MARCO: variants seen among roughly 807,000 people sequenced by gnomAD.
MARCO encodes the protein macrophage receptor with collagenous structure, also known as macrophage receptor MARCO.
In MARCO, 72 loss-of-function variants were observed where a neutral mutation model predicts 70.0. The observed-to-expected ratio is 1.03, with a 90% CI of 0.85 to 1.25. The LOEUF is 1.25. Ranked by LOEUF, MARCO falls within the 50% of genes most tolerant of loss-of-function variation. The pLI, the probability that MARCO is intolerant of heterozygous loss-of-function variation, is 0.00. For synonymous variants in MARCO, 273 were observed against 243.1 expected, an observed-to-expected ratio of 1.12 and a Z score of -1.14; for missense variants, 696 against 659.3, an observed-to-expected ratio of 1.06 and a Z score of -0.61.
chr2:118,965,290 T>C (rs1274038350), intron 1 of MARCO, among the ~76,000 whole-genome samples: 6 of 152,230 alleles, frequency 3.9e-5, no homozygotes, highest in Non-Finnish European at 2.9e-5. Context: ...TCTATTGTTC[T>C]ATCATCGAGT....
chr2:118,970,351 C>T lies in MARCO; in HGVS notation c.424+13C>T. Reference sequence around the variant, plus strand: ...ACTCAGAACCCAGGTTTGGCCTCCTCCCCTCTGGGTCAGGACTTCTCAACA... The same window carrying T: ...ACTCAGAACCCAGGTTTGGCCTCCTTCCCTCTGGGTCAGGACTTCTCAACA... On this transcript the variant is annotated intron_variant, in intron 3 of 16. Coordinates refer to ENST00000327097, the MANE Select transcript of MARCO (RefSeq NM_006770.4). 6.3e-7 allele frequency: 1 copy of T among 1,595,098 alleles called. No homozygotes were observed. The highest frequency in any genetic ancestry group is 8.6e-7 in the Non-Finnish European group (1 of 1,167,518).
chr2:118,984,749 C>G (rs1680453781), intron 12 of MARCO, among the ~76,000 whole-genome samples: 1 of 152,134 alleles, frequency 6.6e-6, no homozygotes, highest in Non-Finnish European at 1.5e-5. Flanking sequence ...CAGGGGCAGG[C>G]AGAGGGTGGG....
chr2:118,976,536 C>T (rs960661826), intron 6 of MARCO, among the ~76,000 whole-genome samples: 2 of 152,096 alleles, frequency 1.3e-5, no homozygotes, highest in African/African-American at 4.8e-5. Context: ...GCCCCTGCCC[C>T]TGCCCCAGGA....
In MARCO at chr2:118,993,219, G is replaced by T. The variant is rs770063533; in HGVS notation, c.1348G>T (p.Glu450Ter). The T allele has an allele frequency of 6.2e-7, 1 of 1,614,112 alleles. No homozygotes were observed. Among genetic ancestry groups the T allele is most frequent in the Non-Finnish European group, 8.5e-7 (1 of 1,180,006 alleles). ...TACCTGGGGGACAATTTGCGATGAC[G>T]AGTGGCAAAATTCTGATGCCATTGT... is the stretch of plus-strand genomic sequence containing the variant. ...SGTWGTICDDEWQNSDAIVFC... is the reference protein window; with the variant it reads ...SGTWGTICDD Residue 450 changes from glutamate to a stop codon, truncating the protein, a stop_gained, in exon 16 of 17, where the codon GAG (glutamate) becomes TAG (stop). Coordinates refer to ENST00000327097, the MANE Select transcript of MARCO (RefSeq NM_006770.4). LOFTEE classifies it high-confidence loss of function.
chr2:118,986,652 A>AGAAGGAAGGAAGGAAGGAAGGAAG (rs199975278), intron 12 of MARCO, among the ~76,000 whole-genome samples: 1 of 48,442 alleles, frequency 2.1e-5, no homozygotes, highest in Admixed American at 2.5e-4. Context: ...AAAGAAAGAA[A>AGAAGGAAGGAAGGAAGGAAGGAAG]GAAGGAAGGA....
chr2:118,977,613 C>T, intron 7 of MARCO, 98 bp downstream of exon 7: 2 of 1,057,956 alleles, frequency 1.9e-6, no homozygotes, highest in South Asian at 1.4e-5. Context: ...AGCCCCACCC[C>T]AGCCCCTGAC....
At chr2:118,990,490 C>T in intron 12 of MARCO, 99 bp from the exon 13 acceptor site, 2 of 1,154,698 alleles carry the variant, frequency 1.7e-6, no homozygotes, top group Admixed American at 1.8e-5. Flanking sequence ...TTTCCATCTG[C>T]ATTAATCAGA....
chr2:118,955,457 T>C (rs1390054333), intron 1 of MARCO, among the ~76,000 whole-genome samples: 1 of 152,058 alleles, frequency 6.6e-6, no homozygotes, highest in East Asian at 1.9e-4. Flanking sequence ...GGAATTATGG[T>C]AAACAACCAC....
rs1202758741 is a variant in MARCO at position 118,982,375 on chromosome 2, G to C, written c.1028G>C (p.Gly343Ala). Residue 343 changes from glycine to alanine, a missense_variant, in exon 12 of 17, where the codon GGA becomes GCA. This residue lies in a region of MARCO where 605 missense variants were observed against 537.6 expected (regional missense o/e 1.13). Transcript: ENST00000327097. The part of the protein sequence containing the change: ...AGLPGSPGSP[G>A]ATGLKGSKGD... ...CTTCCAGGGAGCCCCGGGAGTCCAGGAGCCACAGGCCTGAAAGGAAGCAAA... is the reference window on the plus strand; with the variant it reads ...CTTCCAGGGAGCCCCGGGAGTCCAGCAGCCACAGGCCTGAAAGGAAGCAAA... The C allele has an allele frequency of 6.2e-7, 1 of 1,614,054 alleles. No individual in the cohort carries two copies. The highest frequency in any genetic ancestry group is 1.7e-5 in the Admixed American group (1 of 60,016).
At chr2:118,961,247 T>C (rs760707644) in intron 1 of MARCO, among the ~76,000 whole-genome samples, 1 of 152,220 alleles carries the variant, frequency 6.6e-6, no homozygotes, top group Non-Finnish European at 1.5e-5. Flanking sequence ...ATAGGATTGC[T>C]GGGTCAAATG....
chr2:118,975,126 C>A (rs913119511), intron 6 of MARCO, among the ~76,000 whole-genome samples: 2 of 152,040 alleles, frequency 1.3e-5, no homozygotes, highest in Admixed American at 6.5e-5. Context: ...CTAATTCTGC[C>A]CAGCCATCTT....
At chr2:118,969,553 A>G (rs907700612) in intron 2 of MARCO, among the ~76,000 whole-genome samples, 1 of 152,218 alleles carries the variant, frequency 6.6e-6, no homozygotes, top group East Asian at 1.9e-4. Flanking sequence ...GATGACACAC[A>G]CTTCTGACAT....
At chr2:118,961,673 G>T (rs1679949889) in intron 1 of MARCO, among the ~76,000 whole-genome samples, 1 of 152,086 alleles carries the variant, frequency 6.6e-6, no homozygotes, top group African/African-American at 2.4e-5. Context: ...TAGGTTGCCT[G>T]TTCACTCTGA....
intron 12 of MARCO, among the ~76,000 whole-genome samples, chr2:118,983,340 T>C (rs1284333768): frequency 3.3e-5 from 5 of 152,316 alleles, no homozygotes; most frequent in African/African-American, 9.6e-5. Context: ...CACTGGGACC[T>C]GGCCCTCCAC....
chr2:118,974,319 T>A lies in MARCO; in HGVS notation c.461-14T>A. On this transcript the variant is annotated splice_polypyrimidine_tract_variant and intron_variant, in intron 4 of 16. Transcript: ENST00000327097. ...GTTGACTGACTCATTAGTGTCTCTGTTCCTCTTCCTCAGGTCTTCAAGGTC... is the reference window on the plus strand; with the variant it reads ...GTTGACTGACTCATTAGTGTCTCTGATCCTCTTCCTCAGGTCTTCAAGGTC... 1 of 1,534,366 alleles carries A rather than the reference T, an allele frequency of 6.5e-7. No homozygotes were observed. Among genetic ancestry groups the A allele is most frequent in the Non-Finnish European group, 8.9e-7 (1 of 1,118,992 alleles).
chr2:118,959,899 T>C (rs553189738), intron 1 of MARCO, among the ~76,000 whole-genome samples: 43 of 152,204 alleles, frequency 2.8e-4, no homozygotes, highest in Middle Eastern at 6.8e-3. Context: ...ATCACTGATA[T>C]GAGGGAGCTA....
At chr2:118,968,110 G>A (rs187731319) in intron 1 of MARCO, among the ~76,000 whole-genome samples, 10 of 152,318 alleles carry the variant, frequency 6.6e-5, no homozygotes, top group Admixed American at 5.2e-4. Flanking sequence ...GTTGGTAAAT[G>A]CCTGGTGTGG....
chr2:118,971,588 A>C, intron 4 of MARCO, 54 bp downstream of exon 4: 4 of 1,585,742 alleles, frequency 2.5e-6, no homozygotes, highest in Non-Finnish European at 1.7e-6. Context: ...ACCTCCCCAA[A>C]AGGGCCCCTT....
intron 1 of MARCO, among the ~76,000 whole-genome samples, chr2:118,944,612 A>T (rs2104540812): frequency 1.3e-5 from 2 of 152,262 alleles, no homozygotes; most frequent in Admixed American, 6.5e-5. Flanking sequence ...GTTGGTATTG[A>T]AATATAAAAT....
Sources: gnomAD v4.1 joint callset for allele counts (sites outside exome capture counted in the v4.1 genomes callset) on GRCh38, gnomAD v4.1.1 for gene constraint, gnomAD v4.1.1 regional missense constraint, MANE v1.5 for transcripts, NCBI Gene and HGNC (gene_info 2026-07-23, HGNC 2026-07-21) for gene names.